SQSTM1: variants seen among roughly 807,000 people sequenced by gnomAD.
The protein encoded by SQSTM1 is sequestosome-1.
SQSTM1 carries 36 observed loss-of-function variants against 45.1 expected under a neutral mutation model. The observed-to-expected ratio is 0.80, with a 90% CI of 0.61 to 1.05. The LOEUF (loss-of-function observed/expected upper bound fraction) is 1.05, where lower values mean the gene tolerates loss of function less well. Among genes scored for constraint, SQSTM1 ranks in the 50% least tolerant of loss-of-function variants. SQSTM1 has a pLI of 0.00. For missense variants in SQSTM1, 617 were observed against 607.1 expected, an observed-to-expected ratio of 1.02 and a Z score of -0.17; for synonymous variants, 290 against 244.3, an observed-to-expected ratio of 1.19 and a Z score of -1.74.
Position 179,833,700 on chromosome 5 carries a change from C to G in SQSTM1, c.1083C>G (p.Ser361=). 6.2e-7 allele frequency: 1 copy of G among 1,614,146 alleles called. No homozygotes were observed. The highest frequency in any genetic ancestry group is 8.5e-7 in the Non-Finnish European group (1 of 1,180,020). Residue 361 remains serine, a synonymous_variant, in exon 7 of 8, where the codon TCC becomes TCG. Transcript: ENST00000389805. ...GELQSLQMPE[S]EGPSSLDPSQ... The stretch of plus-strand genomic sequence containing the variant: ...TCCAGTCCCTACAGATGCCAGAATC[C>G]GAAGGGCCAAGCTCTCTGGACCCCT...
chr5:179,832,380 G>GT (rs1758268965), intron 5 of SQSTM1, among the ~76,000 whole-genome samples: 1 of 152,230 alleles, frequency 6.6e-6, no homozygotes, highest in African/African-American at 2.4e-5. Context: ...GAGCCTGGAG[G>GT]TGTGCAGGTT....
chr5:179,837,589 C>T lies in SQSTM1; in HGVS notation c.*996C>T, dbSNP rs772051734. 6.2e-7 allele frequency: 1 copy of T among 1,614,158 alleles called. No individual in the cohort carries two copies. Among genetic ancestry groups the T allele is most frequent in the Non-Finnish European group, 8.5e-7 (1 of 1,179,988 alleles). ...GAGGAAGCTGGACAGCGGCAGTGGG[C>T]CTGCTGAGGCCTTCTCTTGAGGCCT... is the stretch of plus-strand genomic sequence containing the variant. On this transcript the variant is annotated 3_prime_UTR_variant, in exon 8 of 8. Coordinates refer to ENST00000389805, the MANE Select transcript of SQSTM1 (RefSeq NM_003900.5).
rs755537361 is a variant in SQSTM1 at position 179,824,055 on chromosome 5, G to A, written c.499G>A (p.Ala167Thr). Residue 167 changes from alanine to threonine, a missense_variant, in exon 3 of 8, where the codon GCA (alanine) becomes ACA (threonine). Physicochemically the swap from Ala to Thr is moderately conservative, Grantham distance 58. Transcript: ENST00000389805. Reference sequence around the variant, plus strand: ...CTTGCACCGGGGGCACACCAAGCTCGCATTCCCCAGCCCCTTCGGGCACCT... The same window carrying A: ...CTTGCACCGGGGGCACACCAAGCTCACATTCCCCAGCCCCTTCGGGCACCT... ...KGLHRGHTKL[A>T]FPSPFGHLSE... The A allele has an allele frequency of 1.2e-6, 2 of 1,613,924 alleles. No individual in the cohort carries two copies. The highest frequency in any genetic ancestry group is 1.7e-6 in the Non-Finnish European group (2 of 1,180,044).
Position 179,835,205 on chromosome 5 carries a change from G to A in SQSTM1, c.1166-1231G>A, listed in dbSNP as rs560350720. On this transcript the variant is annotated intron_variant, in intron 7 of 7. Transcript: ENST00000389805. ...GAGACGCTCCTCACTTTCCAGACTG[G>A]GCAGCCAGGCAGAGGGGCTCCTCAC... 112 of 194,356 alleles carry A rather than the reference G, an allele frequency of 5.8e-4. 1 individual carries two copies. Among genetic ancestry groups the A allele is most frequent in the South Asian group, 5.2e-3 (81 of 15,558 alleles). 12.0% of individuals were successfully genotyped at this position (194,356 alleles called of 1,614,324 possible). A position where few individuals can be genotyped will look rare whatever the true frequency, so the allele number is the denominator to read the frequency against.
At chr5:179,822,170 ATT>A (rs1286415448) in intron 1 of SQSTM1, among the ~76,000 whole-genome samples, 6 of 152,188 alleles carry the variant, frequency 3.9e-5, no homozygotes, top group Non-Finnish European at 8.8e-5. Flanking sequence ...AATCCTGGAC[ATT>A]TCATGTAAAT....
intron 7 of SQSTM1, among the ~76,000 whole-genome samples, chr5:179,834,752 T>TCCC (rs1561607468): frequency 6.6e-6 from 1 of 151,452 alleles, no homozygotes; most frequent in African/African-American, 2.4e-5. Flanking sequence ...ATCAACAGGA[T>TCCC]AAGAATTTTT....
chr5:179,823,902 G>T lies in SQSTM1; in HGVS notation c.346G>T (p.Glu116Ter). ...GGACCACCGCCCACCGTGTGCTCAG[G>T]AGGCGCCCCGCAACATGGTGCACCC... ...RRDHRPPCAQ[E>*]APRNMVHPNV... Residue 116 changes from glutamate (E) to a stop codon, truncating the protein, a stop_gained, in exon 3 of 8, where the codon GAG becomes TAG. Coordinates refer to ENST00000389805, the MANE Select transcript of SQSTM1 (RefSeq NM_003900.5). LOFTEE classifies it high-confidence loss of function. 6.2e-7 allele frequency: 1 copy of T among 1,613,472 alleles called. No homozygotes were observed. The highest frequency in any genetic ancestry group is 8.5e-7 in the Non-Finnish European group (1 of 1,180,030).
At chr5:179,833,503 G>T in intron 6 of SQSTM1, 84 bp from the exon 7 acceptor site, 1 of 1,474,240 alleles carries the variant, frequency 6.8e-7, no homozygotes, top group South Asian at 1.2e-5. Context: ...CGTGCTCCCC[G>T]ACTGTCTGCC....
chr5:179,807,057 G>T (rs989894902), intron 1 of SQSTM1: 2 of 151,770 alleles, frequency 1.3e-5, no homozygotes, highest in African/African-American at 2.4e-5. Flanking sequence ...GGGTGGGGTG[G>T]GGGCCGGCGG....
Position 179,837,258 on chromosome 5 carries a change from C to T in SQSTM1, c.*665C>T, listed in dbSNP as rs1039447748. On this transcript the variant is annotated 3_prime_UTR_variant, in exon 8 of 8. Coordinates refer to ENST00000389805, the MANE Select transcript of SQSTM1 (RefSeq NM_003900.5). The stretch of plus-strand genomic sequence containing the variant: ...ATGGCATCAGCACTTTAACCAATGA[C>T]GTTTGCATAGAGAGAAATGATTGAC... 3.2e-4 allele frequency: 517 copies of T among 1,604,008 alleles called. 1 individual carries two copies. The highest frequency in any genetic ancestry group is 8.1e-4 in the Admixed American group (48 of 59,346).
chr5:179,825,141 C>T lies in SQSTM1; in HGVS notation c.674-5C>T, dbSNP rs1452398682. On this transcript the variant is annotated splice_region_variant and splice_polypyrimidine_tract_variant and intron_variant, in intron 4 of 7. Coordinates refer to ENST00000389805, the MANE Select transcript of SQSTM1 (RefSeq NM_003900.5). ...ATCTTTATCTTATCTTTGTAAAAATCAAAGCTTCTGGTCCATCGGAGGATC... is the reference window on the plus strand; with the variant it reads ...ATCTTTATCTTATCTTTGTAAAAATTAAAGCTTCTGGTCCATCGGAGGATC... The T allele has an allele frequency of 3.7e-6, 6 of 1,613,738 alleles. No homozygotes were observed. The highest frequency in any genetic ancestry group is 1.3e-5 in the African/African-American group (1 of 74,906).
At position 179,821,701 on chromosome 5, in the gene SQSTM1, G is replaced by A. The variant is rs541880126; in HGVS notation, c.205+560G>A. On this transcript the variant is annotated intron_variant, in intron 1 of 7. Transcript: ENST00000389805. The stretch of plus-strand genomic sequence containing the variant: ...GCACGGATCGCCGGCGGAACGCTCC[G>A]AGCCAGGTCGAGTACAGATGTTTTC... The A allele has an allele frequency of 1.9e-5, 7 of 360,906 alleles. No homozygotes were observed. In the East Asian group the frequency reaches 2.9e-4, roughly 15 times the overall value. The allele number at this position is 360,906 out of a possible 1,614,324, so 22.4% of individuals were successfully genotyped here. A position where few individuals can be genotyped will look rare whatever the true frequency, so the allele number is the denominator to read the frequency against.
At chr5:179,821,277 C>T (rs1003292174) in intron 1 of SQSTM1, 136 bp downstream of exon 1, 11 of 922,390 alleles carry the variant, frequency 1.2e-5, no homozygotes, top group Middle Eastern at 7.1e-4. Flanking sequence ...CCCTGGATGG[C>T]GGTGGCCTGC....
Position 179,823,015 on chromosome 5 carries a change from C to T in SQSTM1, c.263C>T (p.Ser88Phe), listed in dbSNP as rs763040103. The change falls in exon 2 of 8, where the codon TCC (serine) becomes TTC (phenylalanine). Residue 88 changes from serine to phenylalanine, a missense_variant. Physicochemically the swap from Ser to Phe is radical, Grantham distance 155. Transcript: ENST00000389805. ...SSDEELTMAM[S>F]YVKDDIFRIY... ...GACGAGGAATTGACAATGGCCATGT[C>T]CTACGTGAAGGATGACATCTTCCGA... The T allele has an allele frequency of 2.8e-5, 45 of 1,613,972 alleles. No homozygotes were observed. The highest frequency in any genetic ancestry group is 1.6e-4 in the Middle Eastern group (1 of 6,082).
At position 179,837,161 on chromosome 5, in the gene SQSTM1, C is replaced by T; in HGVS notation, c.*568C>T. On this transcript the variant is annotated 3_prime_UTR_variant, in exon 8 of 8. Coordinates refer to ENST00000389805, the MANE Select transcript of SQSTM1 (RefSeq NM_003900.5). The stretch of plus-strand genomic sequence containing the variant: ...TTCACCACTGTAGTTCTCTCATTTC[C>T]AAACCATCAGCTGCTTTTAAAATAA... 6.8e-7 allele frequency: 1 copy of T among 1,467,372 alleles called. No individual in the cohort carries two copies. The highest frequency in any genetic ancestry group is 9.2e-7 in the Non-Finnish European group (1 of 1,083,334). 90.9% of individuals were successfully genotyped at this position (1,467,372 alleles called of 1,614,324 possible).
chr5:179,833,925 G>C (rs1237753737), intron 7 of SQSTM1, 143 bp downstream of exon 7: 1 of 890,782 alleles, frequency 1.1e-6, no homozygotes, highest in Non-Finnish European at 1.8e-6. Context: ...TTAGGAGTTG[G>C]TTTTGTCCTA....
chr5:179,812,728 ACAGGGAAGTT>A (rs1208276726), intron 2 of SQSTM1: 1 of 152,318 alleles, frequency 6.6e-6, no homozygotes, highest in African/African-American at 2.4e-5. Context: ...GCGGCTCAGC[ACAGGGAAGTT>A]CTCCAGTGCC....
At position 179,837,657 on chromosome 5, in the gene SQSTM1, G is replaced by C; in HGVS notation, c.*1064G>C. The C allele has an allele frequency of 6.2e-7, 1 of 1,614,224 alleles. No homozygotes were observed. The highest frequency in any genetic ancestry group is 8.5e-7 in the Non-Finnish European group (1 of 1,180,042). On this transcript the variant is annotated 3_prime_UTR_variant, in exon 8 of 8. Transcript: ENST00000389805. ...TGCTTAGCCTGTGCTGGACCAGCTG[G>C]CCTGGGGTCCCTCTGAAGAGACCTT...
intron 1 of SQSTM1, among the ~76,000 whole-genome samples, chr5:179,810,521 G>A (rs1440836329): frequency 1.3e-5 from 2 of 152,174 alleles, no homozygotes; most frequent in Non-Finnish European, 2.9e-5. Flanking sequence ...ATCATTGATG[G>A]ACATTTGGGT....
Sources: allele counts gnomAD v4.1 joint callset (sites outside exome capture counted in the v4.1 genomes callset), GRCh38; gene constraint gnomAD v4.1.1; transcripts MANE v1.5; gene names NCBI Gene and HGNC (gene_info 2026-07-23, HGNC 2026-07-21).